The following FAM107B variants were observed in gnomAD, a reference collection of about 807,000 sequenced individuals.
FAM107B encodes protein FAM107B.
In FAM107B, 21 loss-of-function variants were observed where a neutral mutation model predicts 31.5. The observed-to-expected ratio is 0.67, with a 90% CI of 0.47 to 0.96. The LOEUF (loss-of-function observed/expected upper bound fraction) is 0.96. Among genes scored for constraint, FAM107B ranks in the 40% least tolerant of loss-of-function variants. The pLI, the probability that FAM107B is intolerant of heterozygous loss-of-function variation, is 0.00. For missense variants in FAM107B, 452 were observed against 377.1 expected, an observed-to-expected ratio of 1.20 and a Z score of -1.64; for synonymous variants, 157 against 141.5, an observed-to-expected ratio of 1.11 and a Z score of -0.78.
intron 2 of FAM107B, among the ~76,000 whole-genome samples, chr10:14,580,635 A>G (rs1324449020): frequency 6.6e-6 from 1 of 152,224 alleles, no homozygotes; most frequent in Non-Finnish European, 1.5e-5. Context: ...AGCATGGACA[A>G]AAGCCTTTAT....
intron 2 of FAM107B, among the ~76,000 whole-genome samples, chr10:14,597,477 T>C (rs1852226063): frequency 6.6e-6 from 1 of 152,146 alleles, no homozygotes; most frequent in Non-Finnish European, 1.5e-5. Flanking sequence ...ATGCCAAAAC[T>C]CTTGTCCAAG....
At chr10:14,538,599 A>G (rs987777519) in intron 2 of FAM107B, among the ~76,000 whole-genome samples, 3 of 152,218 alleles carry the variant, frequency 2.0e-5, no homozygotes, top group African/African-American at 7.2e-5. Context: ...AGGGTCTGGA[A>G]AAGATTGTTT....
intron 1 of FAM107B, among the ~76,000 whole-genome samples, chr10:14,768,203 G>C (rs1228662560): frequency 1.3e-5 from 2 of 152,174 alleles, no homozygotes; most frequent in African/African-American, 4.8e-5. Flanking sequence ...ATTAGAAAAT[G>C]TAAGATGTCA....
At chr10:14,604,313 G>A in intron 2 of FAM107B, 1 of 967,924 alleles carries the variant, frequency 1.0e-6, no homozygotes, top group South Asian at 4.7e-5. Context: ...CCAGCGGCCC[G>A]ACTGCTCGGC....
At chr10:14,752,575 C>T (rs898041010) in intron 1 of FAM107B, among the ~76,000 whole-genome samples, 2 of 152,132 alleles carry the variant, frequency 1.3e-5, no homozygotes, top group Admixed American at 6.5e-5. Flanking sequence ...TTAATCGCAT[C>T]GTGTATGTGG....
At position 14,629,502 on chromosome 10, in the gene FAM107B, A is replaced by C. The variant is rs1335277248; in HGVS notation, c.469+38132T>G. ...TATATAACATATATAATATATATAT[A>C]TTTAATATATATATATATATTTTTT... On this transcript the variant is annotated intron_variant, in intron 2 of 4. Transcript: ENST00000181796. 3.3e-4 allele frequency among the ~76,000 whole-genome samples: 38 copies of C among 116,160 alleles called. 3 individuals are homozygous for C. The Admixed American group carries it at 4.1e-3, about 12-fold the overall frequency. 76.2% of individuals were successfully genotyped at this position (116,160 alleles called of 152,430 possible).
intron 1 of FAM107B, among the ~76,000 whole-genome samples, chr10:14,672,092 T>TCTAA (rs1554846849): frequency 1.0e-4 from 9 of 88,770 alleles, no homozygotes; most frequent in East Asian, 2.8e-4. Flanking sequence ...TCTTTTTATT[T>TCTAA]TTTATTTATT....
At position 14,521,938 on chromosome 10, in the gene FAM107B, T is replaced by C. The variant is rs769028004; in HGVS notation, c.735A>G (p.Glu245=). The change falls in exon 4 of 5, where the codon GAA becomes GAG. Residue 245 remains glutamate, a synonymous_variant. Transcript: ENST00000181796. ...CAGATTTCTTCTTCTGTGCTTCTTC[T>C]TCCTTCTGCTTTATTACTTGGTCTC... ...RKRDQVIKQK[E]EEAQKKKSDL... 8 of 1,614,248 alleles carry C rather than the reference T, an allele frequency of 5.0e-6. No individual in the cohort carries two copies. Among genetic ancestry groups the C allele is most frequent in the East Asian group, 2.2e-5 (1 of 44,890 alleles).
chr10:14,681,269 A>T (rs543436957), intron 1 of FAM107B, among the ~76,000 whole-genome samples: 53 of 152,296 alleles, frequency 3.5e-4, no homozygotes, highest in South Asian at 4.1e-4. Flanking sequence ...TCTCCAGGTG[A>T]CACTAGTACA....
At chr10:14,628,112 G>GTTTTTTTTT (rs71505033) in intron 2 of FAM107B, among the ~76,000 whole-genome samples, 2,072 of 92,508 alleles carry the variant, frequency 0.022, 139 homozygotes, top group East Asian at 0.068. Context: ...TGTTTTGCTG[G>GTTTTTTTTT]TTTTTTTTTT....
intron 1 of FAM107B, among the ~76,000 whole-genome samples, chr10:14,748,674 CAA>C (rs1369991735): frequency 2.0e-5 from 3 of 152,222 alleles, no homozygotes; most frequent in Non-Finnish European, 1.5e-5. Flanking sequence ...CCTCTGAGGT[CAA>C]AGTTGCAGCA....
intron 2 of FAM107B, among the ~76,000 whole-genome samples, chr10:14,555,131 T>C (rs1001945905): frequency 5.3e-5 from 8 of 152,170 alleles, no homozygotes; most frequent in Non-Finnish European, 4.4e-5. Context: ...CTTCCAAGTA[T>C]TAAGAAATCA....
intron 1 of FAM107B, among the ~76,000 whole-genome samples, chr10:14,683,688 A>G (rs1308484290): frequency 6.6e-6 from 1 of 152,228 alleles, no homozygotes; most frequent in Admixed American, 6.5e-5. Context: ...ATGAGTGAGT[A>G]CCAATAGAAT....
At chr10:14,536,657 C>T (rs1482434372) in intron 2 of FAM107B, among the ~76,000 whole-genome samples, 1 of 152,190 alleles carries the variant, frequency 6.6e-6, no homozygotes, top group Non-Finnish European at 1.5e-5. Flanking sequence ...TTAGACCAGG[C>T]AACAGACAAG....
intron 1 of FAM107B, among the ~76,000 whole-genome samples, chr10:14,750,782 AC>A (rs1386779978): frequency 6.6e-6 from 1 of 152,156 alleles, no homozygotes; most frequent in East Asian, 1.9e-4. Flanking sequence ...TGCTGTCTCT[AC>A]AAAAAAATTT....
At chr10:14,681,904 C>T (rs74684887) in intron 1 of FAM107B, among the ~76,000 whole-genome samples, 2,150 of 152,260 alleles carry the variant, frequency 0.014, 46 homozygotes, top group African/African-American at 0.046. Flanking sequence ...AGTTTAGTGT[C>T]GTGGTTGATA....
chr10:14,540,049 C>T (rs749193853), intron 2 of FAM107B, among the ~76,000 whole-genome samples: 2 of 152,188 alleles, frequency 1.3e-5, no homozygotes, highest in Non-Finnish European at 2.9e-5. Context: ...AGAGCCTGCT[C>T]CACTCTGCAG....
At chr10:14,550,626 G>A (rs1235339333) in intron 2 of FAM107B, among the ~76,000 whole-genome samples, 1 of 152,190 alleles carries the variant, frequency 6.6e-6, no homozygotes, top group Non-Finnish European at 1.5e-5. Flanking sequence ...ACATGAAATG[G>A]AGAAATCGGC....
At chr10:14,631,010 G>C (rs1020137538) in intron 2 of FAM107B, among the ~76,000 whole-genome samples, 3 of 152,022 alleles carry the variant, frequency 2.0e-5, no homozygotes, top group African/African-American at 7.2e-5. Flanking sequence ...CATTTATTGA[G>C]AGCCAGTGAA....
Sources: gnomAD v4.1 joint callset for allele counts (sites outside exome capture counted in the v4.1 genomes callset) on GRCh38, gnomAD v4.1.1 for gene constraint, MANE v1.5 for transcripts, NCBI Gene and HGNC (gene_info 2026-07-23, HGNC 2026-07-21) for gene names.